FAM3D: variants seen among roughly 807,000 people sequenced by gnomAD.
The protein encoded by FAM3D is FAM3 metabolism regulating signaling molecule D, also known as protein FAM3D.
A neutral mutation model predicts 29.8 loss-of-function variants in FAM3D; 26 were observed. The ratio of observed to expected loss-of-function variants is 0.87; its 90% confidence interval spans 0.64 to 1.21. The LOEUF is 1.21. Among genes scored for constraint, FAM3D ranks in the 50% most tolerant of loss-of-function variants. FAM3D has a pLI of 0.00. For synonymous variants in FAM3D, 115 were observed against 102.3 expected (o/e 1.12, Z -0.75); for missense variants, 253 against 290.9 (o/e 0.87, Z 0.95).
At chr3:58,649,247 T>C in intron 4 of FAM3D, 68 bp downstream of exon 4, 1 of 1,577,042 alleles carries the variant, frequency 6.3e-7, no homozygotes, top group Non-Finnish European at 8.6e-7. Context: ...CTTGTTGCCC[T>C]AGGGCAAATG....
intron 1 of FAM3D, among the ~76,000 whole-genome samples, chr3:58,656,967 A>G (rs569599226): frequency 2.5e-3 from 383 of 152,310 alleles, no homozygotes; most frequent in Non-Finnish European, 2.8e-3. Context: ...GTGAATTGTA[A>G]CAGTCCTCCC....
chr3:58,640,060 C>T (rs1559496629), intron 7 of FAM3D, 67 bp downstream of exon 7: 3 of 1,564,434 alleles, frequency 1.9e-6, no homozygotes, highest in Non-Finnish European at 2.6e-6. Flanking sequence ...TCCCTTGCCA[C>T]ATGAAGAGGC....
At position 58,659,048 on chromosome 3, in the gene FAM3D, G is replaced by A. The variant is rs138156278; in HGVS notation, c.-38-3447C>T. ...ACAGACCTGGGTTTGCCACTTACTA[G>A]TTGTGTGTTTTTCCGCACATCTCTC... On this transcript the variant is annotated intron_variant, in intron 1 of 9. Transcript: ENST00000358781. Among the ~76,000 whole-genome samples the A allele has an allele frequency of 3.6e-3, 549 of 152,316 alleles. 8 individuals carry two copies. Among genetic ancestry groups the A allele is most frequent in the African/African-American group, 0.013 (522 of 41,582 alleles).
chr3:58,659,446 A>G (rs2066890190), intron 1 of FAM3D, among the ~76,000 whole-genome samples: 2 of 152,222 alleles, frequency 1.3e-5, no homozygotes, highest in South Asian at 4.1e-4. Flanking sequence ...CAAGATGGAC[A>G]GAGAAAGAGA....
chr3:58,653,179 G>A (rs1389512850), intron 3 of FAM3D, among the ~76,000 whole-genome samples: 1 of 152,158 alleles, frequency 6.6e-6, no homozygotes, highest in East Asian at 1.9e-4. Flanking sequence ...TGACATGAGA[G>A]AAGCTAAACT....
chr3:58,638,991 A>G (rs2066252705), intron 7 of FAM3D, among the ~76,000 whole-genome samples: 1 of 152,234 alleles, frequency 6.6e-6, no homozygotes, highest in Non-Finnish European at 1.5e-5. Context: ...ACCTCACTTT[A>G]AAAAGCCATC....
At position 58,653,606 on chromosome 3, in the gene FAM3D, G is replaced by A. The variant is rs1339941935; in HGVS notation, c.121+68C>T. ...TCTCCTGGGTCACCTAGGGATGGAGGGAAGAATATGTCTTCGGCCCCCAGG... is the reference window on the plus strand; with the variant it reads ...TCTCCTGGGTCACCTAGGGATGGAGAGAAGAATATGTCTTCGGCCCCCAGG... On this transcript the variant is annotated intron_variant, in intron 3 of 9. Transcript: ENST00000358781. 2.8e-6 allele frequency: 4 copies of A among 1,427,768 alleles called. No homozygotes were observed. In the East Asian group the frequency reaches 9.1e-5, roughly 32 times the overall value. 88.4% of individuals were successfully genotyped at this position (1,427,768 alleles called of 1,614,324 possible). A position where few individuals can be genotyped will look rare whatever the true frequency, so the allele number is the denominator to read the frequency against.
At chr3:58,660,325 CT>C (rs1445262816) in intron 1 of FAM3D, among the ~76,000 whole-genome samples, 1 of 152,192 alleles carries the variant, frequency 6.6e-6, no homozygotes, top group Non-Finnish European at 1.5e-5. Flanking sequence ...TTGCCCCTTG[CT>C]ATGAGTCTCC....
In FAM3D at chr3:58,635,432, G is replaced by A. The variant is rs775015793; in HGVS notation, c.585+862C>T. On this transcript the variant is annotated intron_variant, in intron 9 of 9. Transcript: ENST00000358781. The surrounding 1 kb of genome is among the most constrained non-coding windows in gnomAD (Gnocchi z 5.2). ...GGTGCTTGGTTCATTTTTGTGTGTC[G>A]GTCCCGGCCAGCTGGTTGCAGATGG... 2.0e-4 allele frequency among the ~76,000 whole-genome samples: 30 copies of A among 152,076 alleles called. No individual in the cohort carries two copies. The highest frequency in any genetic ancestry group is 3.4e-4 in the Non-Finnish European group (23 of 68,004).
At chr3:58,663,404 C>A (rs1459255970) in intron 1 of FAM3D, among the ~76,000 whole-genome samples, 1 of 152,216 alleles carries the variant, frequency 6.6e-6, no homozygotes, top group Non-Finnish European at 1.5e-5. Flanking sequence ...GCCCCCAGAT[C>A]TGCCTTCTTG....
Position 58,640,116 on chromosome 3 carries a change from G to A in FAM3D, c.373+11C>T. On this transcript the variant is annotated intron_variant, in intron 7 of 9. Transcript: ENST00000358781. ...CCCGACTGTGACTTCAGTGTCAGCA[G>A]AGGCACCTACCTCCAGAGTACATGT... The A allele has an allele frequency of 6.2e-7, 1 of 1,614,124 alleles. No homozygotes were observed. The highest frequency in any genetic ancestry group is 8.5e-7 in the Non-Finnish European group (1 of 1,180,002).
intron 6 of FAM3D, among the ~76,000 whole-genome samples, chr3:58,641,348 C>A (rs940452084): frequency 1.3e-5 from 2 of 151,714 alleles, no homozygotes; most frequent in Non-Finnish European, 2.9e-5. Context: ...GCTGTGTGAC[C>A]TTGGGCAAGT....
intron 2 of FAM3D, 146 bp from the exon 3 acceptor site, chr3:58,653,927 G>C: frequency 1.4e-6 from 1 of 689,896 alleles, no homozygotes; most frequent in Non-Finnish European, 2.6e-6. Flanking sequence ...GGACCATGTG[G>C]TAAGATGTGT....
chr3:58,665,230 C>G (rs2067007252), intron 1 of FAM3D, among the ~76,000 whole-genome samples: 5 of 152,110 alleles, frequency 3.3e-5, no homozygotes, highest in African/African-American at 1.2e-4. Context: ...AAACTCCTCC[C>G]TAGCCTGTGC....
intron 3 of FAM3D, among the ~76,000 whole-genome samples, chr3:58,653,364 C>T (rs781306597): frequency 3.8e-4 from 58 of 152,176 alleles, no homozygotes; most frequent in Non-Finnish European, 7.2e-4. Flanking sequence ...TTCCTCCCAC[C>T]TCCCTTCCTT....
In FAM3D at chr3:58,639,128, T is replaced by C. The variant is rs115709344; in HGVS notation, c.373+999A>G. On this transcript the variant is annotated intron_variant, in intron 7 of 9. Coordinates refer to ENST00000358781, the MANE Select transcript of FAM3D (RefSeq NM_138805.3). ...TTAAAGCTTAGTTTCATCTTTACGCTTTTTTTCCTTTTCATTCTGACAGAT... is the reference window on the plus strand; with the variant it reads ...TTAAAGCTTAGTTTCATCTTTACGCCTTTTTTCCTTTTCATTCTGACAGAT... Among the ~76,000 whole-genome samples the C allele has an allele frequency of 2.7e-3, 416 of 152,310 alleles. 2 individuals are homozygous for C. The highest frequency in any genetic ancestry group is 9.4e-3 in the African/African-American group (390 of 41,544).
At chr3:58,645,673 A>C in intron 4 of FAM3D, 47 bp from the exon 5 acceptor site, 1 of 1,536,994 alleles carries the variant, frequency 6.5e-7, no homozygotes, top group Non-Finnish European at 9.0e-7. Flanking sequence ...CTCAGGAGGT[A>C]CTTGGGGGAG....
intron 3 of FAM3D, among the ~76,000 whole-genome samples, chr3:58,651,885 T>TA (rs2066646962): frequency 6.6e-6 from 1 of 152,292 alleles, no homozygotes; most frequent in Admixed American, 6.5e-5. Context: ...TATAAACTTC[T>TA]AAATCATCTC....
intron 1 of FAM3D, among the ~76,000 whole-genome samples, chr3:58,665,040 C>T (rs1382981267): frequency 6.6e-6 from 1 of 152,230 alleles, no homozygotes; most frequent in Non-Finnish European, 1.5e-5. Context: ...GGAAGTTAGG[C>T]CCCTGGGTTC....
Sources: allele counts gnomAD v4.1 joint callset (sites outside exome capture counted in the v4.1 genomes callset), GRCh38; gene constraint gnomAD v4.1.1; non-coding constraint Gnocchi (gnomAD v3.1); transcripts MANE v1.5; gene names NCBI Gene and HGNC (gene_info 2026-07-23, HGNC 2026-07-21).